Variants in NIM1K observed in about 807,000 individuals in gnomAD.
The protein encoded by NIM1K is serine/threonine-protein kinase NIM1.
A neutral mutation model predicts 37.1 loss-of-function variants in NIM1K; 35 were observed. The ratio of observed to expected loss-of-function variants is 0.94; its 90% confidence interval spans 0.72 to 1.25. NIM1K has a LOEUF of 1.25. Ranked by LOEUF, NIM1K falls within the 50% of genes most tolerant of loss-of-function variation. The pLI, the probability that NIM1K is intolerant of heterozygous loss-of-function variation, is 0.00. For synonymous variants in NIM1K, 234 were observed against 206.6 expected (o/e 1.13, Z -1.14); for missense variants, 564 against 548.0 (o/e 1.03, Z -0.29).
At chr5:43,265,966 G>A (rs2112291827) in intron 2 of NIM1K, among the ~76,000 whole-genome samples, 1 of 152,346 alleles carries the variant, frequency 6.6e-6, no homozygotes, top group East Asian at 1.9e-4. Flanking sequence ...AAATGTTGCT[G>A]CCTGATCCTT....
At chr5:43,239,617 C>T (rs1752668011) in intron 1 of NIM1K, among the ~76,000 whole-genome samples, 1 of 151,994 alleles carries the variant, frequency 6.6e-6, no homozygotes, top group African/African-American at 2.4e-5. Context: ...ACCTCCGCCT[C>T]CCAGGTTCAA....
chr5:43,239,735 C>A (rs1245979111), intron 1 of NIM1K, among the ~76,000 whole-genome samples: 1 of 152,050 alleles, frequency 6.6e-6, no homozygotes, highest in Non-Finnish European at 1.5e-5. Flanking sequence ...CCATGTTGGC[C>A]AGGCTGGTCT....
At chr5:43,240,843 T>C (rs1267330565) in intron 1 of NIM1K, among the ~76,000 whole-genome samples, 1 of 151,934 alleles carries the variant, frequency 6.6e-6, no homozygotes, top group African/African-American at 2.4e-5. Flanking sequence ...GGCCCTTTCT[T>C]ACACTCCTGA....
chr5:43,206,355 C>A (rs1254401955), intron 1 of NIM1K, among the ~76,000 whole-genome samples: 4 of 149,320 alleles, frequency 2.7e-5, no homozygotes, highest in African/African-American at 5.0e-5. Context: ...TAAAAATTAG[C>A]CAGGAGGGGT....
rs1473309632 is a variant in NIM1K at position 43,232,092 on chromosome 5, A to AG, written c.-694-12987dup. The AG allele has an allele frequency of 5.8e-6, 6 of 1,034,666 alleles. No homozygotes were observed. In the Admixed American group the frequency reaches 1.1e-4, roughly 19 times the overall value. 64.1% of individuals were successfully genotyped at this position (1,034,666 alleles called of 1,614,324 possible). ...GGTCTCCACCAGTCACCACAGTGGGAGGGCTGGCAGTTAATGCCAACCTTG... is the reference window on the plus strand; with the variant it reads ...GGTCTCCACCAGTCACCACAGTGGGAGGGGCTGGCAGTTAATGCCAACCTTG... On this transcript the variant is annotated intron_variant, in intron 1 of 3. Transcript: ENST00000326035.
intron 2 of NIM1K, among the ~76,000 whole-genome samples, chr5:43,247,701 C>G (rs1752805234): frequency 6.6e-6 from 1 of 152,180 alleles, no homozygotes; most frequent in Non-Finnish European, 1.5e-5. Context: ...GAAATACTTG[C>G]CTACAGCAAC....
At chr5:43,220,556 C>T (rs1016813810) in intron 1 of NIM1K, among the ~76,000 whole-genome samples, 2 of 152,172 alleles carry the variant, frequency 1.3e-5, no homozygotes, top group Admixed American at 1.3e-4. Context: ...GCTGGGATTA[C>T]AGGCGTGAGC....
intron 1 of NIM1K, among the ~76,000 whole-genome samples, chr5:43,234,558 G>A (rs1012173424): frequency 1.3e-5 from 2 of 152,126 alleles, no homozygotes; most frequent in African/African-American, 4.8e-5. Context: ...GGAAGCTGAG[G>A]TGGGCAGATC....
At chr5:43,216,496 G>A (rs1326555634) in intron 1 of NIM1K, among the ~76,000 whole-genome samples, 2 of 152,226 alleles carry the variant, frequency 1.3e-5, no homozygotes, top group East Asian at 3.8e-4. Context: ...CAGAGCTTGA[G>A]TAAAAAGATA....
intron 1 of NIM1K, among the ~76,000 whole-genome samples, chr5:43,198,393 T>C (rs2112196975): frequency 6.7e-6 from 1 of 149,752 alleles, no homozygotes; most frequent in South Asian, 2.2e-4. Context: ...CCTCCCTCCC[T>C]CTCGAGCTCG....
At chr5:43,264,317 C>T (rs116303985) in intron 2 of NIM1K, among the ~76,000 whole-genome samples, 2,258 of 152,200 alleles carry the variant, frequency 0.015, 25 homozygotes, top group Non-Finnish European at 0.017. Flanking sequence ...TTATTGGATG[C>T]GTATATGTTT....
At chr5:43,198,115 G>A (rs1318021894) in intron 1 of NIM1K, among the ~76,000 whole-genome samples, 1 of 150,296 alleles carries the variant, frequency 6.7e-6, no homozygotes, top group Non-Finnish European at 1.5e-5. Context: ...CTCTGCACCC[G>A]CACCTGGCCA....
At chr5:43,270,333 G>C (rs1373545882) in intron 2 of NIM1K, among the ~76,000 whole-genome samples, 1 of 152,168 alleles carries the variant, frequency 6.6e-6, no homozygotes, top group Non-Finnish European at 1.5e-5. Flanking sequence ...TAGTATATGA[G>C]AGTAGATGGA....
At chr5:43,209,883 G>A (rs1304848000) in intron 1 of NIM1K, among the ~76,000 whole-genome samples, 1 of 152,294 alleles carries the variant, frequency 6.6e-6, no homozygotes, top group African/African-American at 2.4e-5. Context: ...CCAAAGTGCT[G>A]GGATTACAGG....
intron 1 of NIM1K, among the ~76,000 whole-genome samples, chr5:43,222,576 G>GA (rs987546781): frequency 1.3e-5 from 2 of 151,356 alleles, no homozygotes; most frequent in Non-Finnish European, 2.9e-5. Context: ...AAAAAATGAA[G>GA]AAAAAAAACT....
At chr5:43,202,970 T>G (rs930176584) in intron 1 of NIM1K, among the ~76,000 whole-genome samples, 4 of 152,160 alleles carry the variant, frequency 2.6e-5, no homozygotes, top group Admixed American at 2.0e-4. Flanking sequence ...CTCACAATTC[T>G]CATCATCTAG....
intron 2 of NIM1K, 33 bp downstream of exon 2, chr5:43,246,100 C>A (rs1466420244): frequency 1.3e-6 from 2 of 1,572,002 alleles, no homozygotes; most frequent in South Asian, 1.2e-5. Flanking sequence ...TCATCCCTGG[C>A]AGTATTGGGA....
chr5:43,268,761 GT>G (rs1753207882), intron 2 of NIM1K, among the ~76,000 whole-genome samples: 1 of 151,762 alleles, frequency 6.6e-6, no homozygotes, highest in Non-Finnish European at 1.5e-5. Flanking sequence ...AGGTGACTGA[GT>G]TTTGGGAAAG....
At chr5:43,243,309 T>C (rs1467157616) in intron 1 of NIM1K, among the ~76,000 whole-genome samples, 2 of 152,206 alleles carry the variant, frequency 1.3e-5, no homozygotes, top group African/African-American at 4.8e-5. Context: ...ACTACTTCAT[T>C]CTAGTCTGTC....
Sources: gnomAD v4.1 joint callset for allele counts (sites outside exome capture counted in the v4.1 genomes callset) on GRCh38, gnomAD v4.1.1 for gene constraint, MANE v1.5 for transcripts, NCBI Gene and HGNC (gene_info 2026-07-23, HGNC 2026-07-21) for gene names.